The following LARP1B variants were observed in gnomAD, a reference collection of about 807,000 sequenced individuals.
LARP1B encodes the protein La ribonucleoprotein 1B.
LARP1B carries 76 observed loss-of-function variants against 114.2 expected under a neutral mutation model. The observed-to-expected ratio is 0.67, with a 90% CI of 0.55 to 0.81. The LOEUF (loss-of-function observed/expected upper bound fraction) is 0.81, where lower values mean the gene tolerates loss of function less well. Among genes scored for constraint, LARP1B ranks in the 30% least tolerant of loss-of-function variants. The probability of loss-of-function intolerance (pLI) is 0.00; values close to 1 mark genes in which losing one functional copy is unlikely to be tolerated. For synonymous variants in LARP1B, 345 were observed against 348.0 expected (o/e 0.99, Z 0.10); for missense variants, 1,014 against 1,075.8 (o/e 0.94, Z 0.80).
At chr4:128,167,543 C>T (rs1307231292) in intron 12 of LARP1B, among the ~76,000 whole-genome samples, 2 of 151,904 alleles carry the variant, frequency 1.3e-5, no homozygotes, top group Non-Finnish European at 2.9e-5. Context: ...TGATTGTTTC[C>T]TTTGCTGTGC....
intron 1 of LARP1B, among the ~76,000 whole-genome samples, chr4:128,064,586 C>T (rs1430604705): frequency 6.6e-6 from 1 of 152,052 alleles, no homozygotes; most frequent in African/African-American, 2.4e-5. Flanking sequence ...TTTTAAAGCC[C>T]AGTGGCAAGC....
chr4:128,164,092 G>A (rs1325827050), intron 12 of LARP1B, among the ~76,000 whole-genome samples: 1 of 151,944 alleles, frequency 6.6e-6, no homozygotes, highest in African/African-American at 2.4e-5. Context: ...TTTTGTAGTT[G>A]TATTGCTTTT....
In LARP1B at chr4:128,210,552, G is replaced by GT. The variant is rs2150970160; in HGVS notation, c.*505dup. ...CAAAACAAAGGAGGATTACGTATAT[G>GT]TTTTTTAAATTCAAAAAAGAATATG... On this transcript the variant is annotated 3_prime_UTR_variant, in exon 20 of 20. Coordinates refer to ENST00000326639, the MANE Select transcript of LARP1B (RefSeq NM_018078.4). The GT allele has an allele frequency of 1.0e-6, 1 of 958,712 alleles. No homozygotes were observed. Among genetic ancestry groups the GT allele is most frequent in the South Asian group, 4.8e-5 (1 of 20,800 alleles). The allele number at this position is 958,712 out of a possible 1,614,324, so 59.4% of individuals were successfully genotyped here.
At chr4:128,186,070 G>T (rs1035399424) in intron 15 of LARP1B, among the ~76,000 whole-genome samples, 1 of 152,056 alleles carries the variant, frequency 6.6e-6, no homozygotes, top group African/African-American at 2.4e-5. Flanking sequence ...TGCTACCTTG[G>T]TTACTATGGC....
intron 11 of LARP1B, among the ~76,000 whole-genome samples, chr4:128,148,304 G>A (rs560656147): frequency 9.2e-5 from 14 of 151,968 alleles, no homozygotes; most frequent in South Asian, 8.3e-4. Flanking sequence ...GGTGGTGGGC[G>A]CCTATAACCC....
chr4:128,081,378 CTTTTTTTTT>C (rs35763535), intron 4 of LARP1B, among the ~76,000 whole-genome samples: 1 of 110,690 alleles, frequency 9.0e-6, no homozygotes, highest in African/African-American at 3.4e-5. Flanking sequence ...TGCGCCCGGC[CTTTTTTTTT>C]TTTTTTTTTT....
At chr4:128,123,723 C>A in intron 11 of LARP1B, 1 of 973,980 alleles carries the variant, frequency 1.0e-6, no homozygotes, top group African/African-American at 1.8e-5. Flanking sequence ...AGGAACCCAA[C>A]CATTGTGTAT....
intron 7 of LARP1B, among the ~76,000 whole-genome samples, chr4:128,221,076 AT>A (rs998519644): frequency 1.1e-4 from 17 of 151,024 alleles, no homozygotes; most frequent in South Asian, 2.1e-4. Flanking sequence ...TTAAGACTGC[AT>A]TTTTTTTTGA....
intron 13 of LARP1B, among the ~76,000 whole-genome samples, chr4:128,177,883 T>A (rs1461655095): frequency 6.6e-6 from 1 of 152,084 alleles, no homozygotes; most frequent in Non-Finnish European, 1.5e-5. Context: ...ATCACAGCAT[T>A]GTTGATTAAA....
Position 128,200,372 on chromosome 4 carries a change from G to A in LARP1B, c.2165-149G>A. ...GTAGGGTACCAGTCTGTGGCCTGGA[G>A]GTTGGAGATCCCCACTCTATTTAGA... On this transcript the variant is annotated intron_variant, in intron 16 of 19. Coordinates refer to ENST00000326639, the MANE Select transcript of LARP1B (RefSeq NM_018078.4). 5 of 506,204 alleles carry A rather than the reference G, an allele frequency of 9.9e-6. No homozygotes were observed. In the South Asian group the frequency reaches 1.9e-4, roughly 19 times the overall value. The allele number at this position is 506,204 out of a possible 1,614,324, so 31.4% of individuals were successfully genotyped here.
At chr4:128,176,134 G>A (rs1382607057) in intron 12 of LARP1B, among the ~76,000 whole-genome samples, 4 of 135,908 alleles carry the variant, frequency 2.9e-5, no homozygotes, top group Non-Finnish European at 6.2e-5. Flanking sequence ...ATATATGTGT[G>A]TATATATATT....
chr4:128,088,442 A>G (rs935152086), intron 5 of LARP1B, among the ~76,000 whole-genome samples: 3 of 152,080 alleles, frequency 2.0e-5, no homozygotes, highest in Admixed American at 2.0e-4. Context: ...AGATTAATGC[A>G]TGTTGGTTGT....
chr4:128,093,121 G>A, intron 7 of LARP1B: 2 of 850,044 alleles, frequency 2.4e-6, no homozygotes, highest in Non-Finnish European at 2.8e-6. Context: ...TCTAGCAGTA[G>A]GGATTTTGGC....
intron 11 of LARP1B, chr4:128,155,636 TC>T (rs2150365385): frequency 7.1e-7 from 1 of 1,417,458 alleles, no homozygotes; most frequent in Non-Finnish European, 1.0e-6. Flanking sequence ...CCAGGAGCCA[TC>T]CGGGCCCTGG....
chr4:128,136,322 AAAAAAAC>A (rs1385298819), intron 11 of LARP1B, among the ~76,000 whole-genome samples: 49 of 148,422 alleles, frequency 3.3e-4, no homozygotes, highest in Non-Finnish European at 1.0e-4. Flanking sequence ...CAAGAAAAAC[AAAAAAAC>A]AAAAAAACAA....
At chr4:128,107,071 G>C (rs1230896060) in intron 8 of LARP1B, 68 bp from the exon 9 acceptor site, 1 of 1,323,812 alleles carries the variant, frequency 7.6e-7, no homozygotes, top group South Asian at 1.4e-5. Flanking sequence ...CAAATTTTTA[G>C]GTTCTTAGAA....
chr4:128,200,740 C>T (rs544794712), intron 17 of LARP1B, 75 bp downstream of exon 17: 73 of 1,045,748 alleles, frequency 7.0e-5, no homozygotes, highest in Non-Finnish European at 8.8e-5. Flanking sequence ...CAGGTAGATC[C>T]GATAGAGGGA....
At chr4:128,062,194 G>T in intron 1 of LARP1B, 1 of 985,412 alleles carries the variant, frequency 1.0e-6, no homozygotes, top group Non-Finnish European at 1.2e-6. Context: ...GTCCGCCACC[G>T]CCCCCGCTGG....
At chr4:128,095,763 C>A (rs1210421248) in intron 7 of LARP1B, among the ~76,000 whole-genome samples, 1 of 152,000 alleles carries the variant, frequency 6.6e-6, no homozygotes, top group Non-Finnish European at 1.5e-5. Context: ...TCTTTAGTCA[C>A]TGAGTTTTAT....
Sources: allele counts gnomAD v4.1 joint callset (sites outside exome capture counted in the v4.1 genomes callset), GRCh38; gene constraint gnomAD v4.1.1; transcripts MANE v1.5; gene names NCBI Gene and HGNC (gene_info 2026-07-23, HGNC 2026-07-21).